NDUFA1: variants seen among roughly 807,000 people sequenced by gnomAD.
NDUFA1 encodes the protein NADH:ubiquinone oxidoreductase subunit A1.
For missense variants in NDUFA1, 42 were observed against 56.0 expected, an observed-to-expected ratio of 0.75 and a Z score of 0.80; for synonymous variants, 21 against 20.0, an observed-to-expected ratio of 1.05 and a Z score of -0.14.
chrX:119,875,317 CTTTTTT>C (rs61235666), intron 2 of NDUFA1, among the ~76,000 whole-genome samples: 61 of 59,626 alleles, frequency 1.0e-3, no homozygotes, highest in South Asian at 4.3e-3. Flanking sequence ...ACTGATGAGT[CTTTTTT>C]TTTTTTTTTT....
chrX:119,872,685 C>CTTT (rs11421024), intron 1 of NDUFA1, among the ~76,000 whole-genome samples: 4 of 94,348 alleles, frequency 4.2e-5, no homozygotes, highest in Non-Finnish European at 8.3e-5. Flanking sequence ...CCACGCCTGG[C>CTTT]TTTTTTTTTT....
At chrX:119,875,932 T>C (rs112705440) in intron 2 of NDUFA1, among the ~76,000 whole-genome samples, 9,640 of 110,862 alleles carry the variant, frequency 0.087, 406 homozygotes, top group Middle Eastern at 0.18. Flanking sequence ...AGGCCAGGCA[T>C]AGTGGCTCAC....
intron 2 of NDUFA1, among the ~76,000 whole-genome samples, chrX:119,874,724 A>AT (rs1360204578): frequency 2.8e-5 from 3 of 108,824 alleles, no homozygotes; most frequent in Non-Finnish European, 3.8e-5. Context: ...GCCCAGCTAA[A>AT]TTTTTTTTTG....
rs1257734702 is a variant in NDUFA1 at position 119,873,358 on chromosome X, C to T, written c.157C>T (p.Arg53Cys). The T allele has an allele frequency of 4.1e-6, 5 of 1,208,182 alleles. No individual in the cohort carries two copies. Among genetic ancestry groups the T allele is most frequent in the South Asian group, 1.8e-5 (1 of 56,771 alleles). The change falls in exon 2 of 3, where the codon CGC becomes TGC. Residue 53 changes from arginine (R) to cysteine (C), a missense_variant. Arg to Cys is a radical substitution (Grantham distance 180). Transcript: ENST00000371437. Reference protein sequence around the residue: ...YHWSLMERDRRISGVDRYYVS... With the variant: ...YHWSLMERDRCISGVDRYYVS... The stretch of plus-strand genomic sequence containing the variant: ...CTGGAGTCTGATGGAAAGAGATAGG[C>T]GCATCTCTGGAGTTGATCGTTACTA...
At chrX:119,872,136 C>T in intron 1 of NDUFA1, 123 bp downstream of exon 1, 1 of 685,757 alleles carries the variant, frequency 1.5e-6, no homozygotes, top group Middle Eastern at 3.4e-4. Flanking sequence ...CTTCCGGTTG[C>T]CTAGAAGCCG....
intron 1 of NDUFA1, 23 bp from the exon 2 acceptor site, chrX:119,873,281 C>A: frequency 8.6e-7 from 1 of 1,161,190 alleles, no homozygotes. Flanking sequence ...TAAACTGCAA[C>A]AATAATTGTC....
chrX:119,873,254 T>G (rs2056423180), intron 1 of NDUFA1, 50 bp from the exon 2 acceptor site: 2 of 960,458 alleles, frequency 2.1e-6, no homozygotes, highest in Non-Finnish European at 3.0e-6. Context: ...ATCTATCAAT[T>G]GGGTCACTCA....
At chrX:119,876,324 A>T (rs762317308) in intron 2 of NDUFA1, among the ~76,000 whole-genome samples, 190 bp from the exon 3 acceptor site, 1 of 112,233 alleles carries the variant, frequency 8.9e-6, no homozygotes, top group Admixed American at 9.5e-5. Context: ...TGAAAACTAG[A>T]AATCATTACA....
In NDUFA1 at chrX:119,871,892, G is replaced by A; in HGVS notation, c.-20G>A. ...TCAAGGACCCAGAAGTAGGGTTTTG[G>A]CCTAGGTAACGGGGCAGAGATGTGG... On this transcript the variant is annotated 5_prime_UTR_variant, in exon 1 of 3. Transcript: ENST00000371437. 8.3e-7 allele frequency: 1 copy of A among 1,204,307 alleles called. No individual in the cohort carries two copies.
In NDUFA1 at chrX:119,873,266, T is replaced by G. The variant is rs1800824; in HGVS notation, c.103-38T>G. 73,419 of 1,108,649 alleles carry G rather than the reference T, an allele frequency of 0.066. 2,224 individuals are homozygous for G. Among genetic ancestry groups the G allele is most frequent in the East Asian group, 0.18 (6,144 of 33,224 alleles). The allele number at this position is 1,108,649 out of a possible 1,213,427, so 91.4% of individuals were successfully genotyped here. ...AGTATCTATCAATTGGGTCACTCAC[T>G]TTTATAAACTGCAACAATAATTGTC... On this transcript the variant is annotated intron_variant, in intron 1 of 2. Transcript: ENST00000371437.
intron 1 of NDUFA1, 141 bp downstream of exon 1, chrX:119,872,154 C>T (rs1023369687): frequency 1.2e-5 from 7 of 567,475 alleles, no homozygotes; most frequent in South Asian, 7.7e-5. Flanking sequence ...CCGAGGCTTG[C>T]GAAACGAAGC....
intron 2 of NDUFA1, among the ~76,000 whole-genome samples, chrX:119,875,501 A>T (rs775151670): frequency 1.8e-5 from 2 of 108,896 alleles, no homozygotes; most frequent in African/African-American, 3.4e-5. Context: ...TAGTAGAGAC[A>T]GGGTTTCACC....
intron 1 of NDUFA1, among the ~76,000 whole-genome samples, chrX:119,872,315 CT>C (rs1159499135): frequency 9.0e-6 from 1 of 111,485 alleles, no homozygotes; most frequent in East Asian, 2.9e-4. Context: ...CCTCCGCCTT[CT>C]GGGTTCAAGA....
intron 1 of NDUFA1, among the ~76,000 whole-genome samples, chrX:119,872,970 ATT>A (rs943502762): frequency 1.0e-4 from 11 of 106,370 alleles, no homozygotes; most frequent in African/African-American, 3.4e-4. Flanking sequence ...TTACTTTTTG[ATT>A]TTGTTATTGT....
chrX:119,873,843 T>C (rs2056426260), intron 2 of NDUFA1, among the ~76,000 whole-genome samples: 1 of 111,222 alleles, frequency 9.0e-6, no homozygotes, highest in Admixed American at 9.7e-5. Flanking sequence ...CTATCTAAGA[T>C]TATAAAAATA....
intron 2 of NDUFA1, among the ~76,000 whole-genome samples, chrX:119,874,826 A>G (rs1206365931): frequency 1.8e-5 from 2 of 112,047 alleles, no homozygotes; most frequent in Non-Finnish European, 3.8e-5. Context: ...AACCTCCCAA[A>G]GTGTTAGGAT....
chrX:119,872,266 T>G (rs899273166), intron 1 of NDUFA1, among the ~76,000 whole-genome samples: 1 of 111,367 alleles, frequency 9.0e-6, no homozygotes, highest in African/African-American at 3.3e-5. Flanking sequence ...GAAGGTAGAT[T>G]AGAAAAGGTG....
At chrX:119,872,606 A>C (rs1436002912) in intron 1 of NDUFA1, among the ~76,000 whole-genome samples, 2 of 110,206 alleles carry the variant, frequency 1.8e-5, no homozygotes, top group African/African-American at 6.6e-5. Flanking sequence ...AACAAGAGCG[A>C]AACTCCGTCT....
chrX:119,873,705 C>T (rs970320302), intron 2 of NDUFA1, among the ~76,000 whole-genome samples: 1 of 110,442 alleles, frequency 9.1e-6, no homozygotes, highest in African/African-American at 3.3e-5. Flanking sequence ...ACATTTTTCC[C>T]AGTCTGCTGT....
Sources: gnomAD v4.1 joint callset for allele counts (sites outside exome capture counted in the v4.1 genomes callset) on GRCh38, gnomAD v4.1.1 for gene constraint, MANE v1.5 for transcripts, NCBI Gene and HGNC (gene_info 2026-07-23, HGNC 2026-07-21) for gene names.